Variants in DNAH11 observed in about 807,000 individuals in gnomAD.
DNAH11 encodes axonemal beta dynein heavy chain 11.
A neutral mutation model predicts 526.0 loss-of-function variants in DNAH11; 442 were observed. The observed-to-expected ratio is 0.84, with a 90% confidence interval of 0.78 to 0.91. The LOEUF (loss-of-function observed/expected upper bound fraction) is 0.91. Ranked by LOEUF, DNAH11 falls within the 40% of genes least tolerant of loss-of-function variation. The probability of loss-of-function intolerance (pLI) is 0.00; values close to 1 mark genes in which losing one functional copy is unlikely to be tolerated. For synonymous variants in DNAH11, 2,461 were observed against 1,935.9 expected (o/e 1.27, Z -7.12); for missense variants, 6,989 against 5,448.7 (o/e 1.28, Z -8.90).
intron 28 of DNAH11, among the ~76,000 whole-genome samples, chr7:21,644,167 C>T (rs1787247547): frequency 6.6e-6 from 1 of 152,134 alleles, no homozygotes; most frequent in African/African-American, 2.4e-5. Flanking sequence ...TATTGGCATT[C>T]AAAAAGGTGC....
intron 20 of DNAH11, 79 bp downstream of exon 20, chr7:21,606,812 A>G: frequency 4.9e-6 from 6 of 1,212,454 alleles, no homozygotes; most frequent in Non-Finnish European, 7.0e-6. Context: ...AAATACTGCC[A>G]CATTTTGTCT....
chr7:21,850,897 ATAT>A (rs1444568485), intron 66 of DNAH11, among the ~76,000 whole-genome samples: 7 of 152,078 alleles, frequency 4.6e-5, no homozygotes, highest in Admixed American at 1.3e-4. Flanking sequence ...TAATCCACTG[ATAT>A]TATACTGGAG....
chr7:21,815,878 C>G lies in DNAH11; in HGVS notation c.10333-589C>G, dbSNP rs143742924. Reference sequence around the variant, plus strand: ...CCCCTCCCTCCTCGATTGCCCCTCCCCAACCCCTTACTTTGCAACGCAATC... The same window carrying G: ...CCCCTCCCTCCTCGATTGCCCCTCCGCAACCCCTTACTTTGCAACGCAATC... On this transcript the variant is annotated intron_variant, in intron 63 of 81. Transcript: ENST00000409508. Among the ~76,000 whole-genome samples, 413 of 152,232 alleles carry G rather than the reference C, an allele frequency of 2.7e-3. 2 individuals are homozygous for G. Among genetic ancestry groups the G allele is most frequent in the African/African-American group, 9.5e-3 (394 of 41,544 alleles).
rs1348937945 is a variant in DNAH11 at position 21,762,921 on chromosome 7, A to G, written c.8941-2507A>G. 6.6e-5 allele frequency among the ~76,000 whole-genome samples: 10 copies of G among 152,202 alleles called. No homozygotes were observed. The East Asian group carries it at 1.9e-3, about 29-fold the overall frequency. On this transcript the variant is annotated intron_variant, in intron 54 of 81. Coordinates refer to ENST00000409508, the MANE Select transcript of DNAH11 (RefSeq NM_001277115.2). ...TACAGCAAAGGAAAGGATCAACAGA[A>G]TGAAAGACAACCTATGTGAAATGGG...
intron 61 of DNAH11, among the ~76,000 whole-genome samples, chr7:21,794,097 T>A (rs1788601592): frequency 6.6e-6 from 1 of 152,236 alleles, no homozygotes; most frequent in Non-Finnish European, 1.5e-5. Flanking sequence ...AGTTCCAGGA[T>A]TTTTAAAAAA....
Position 21,698,183 on chromosome 7 carries a change from C to T in DNAH11, c.6150C>T (p.Tyr2050=), listed in dbSNP as rs1783928763. ...RALARKFITL[Y]TLCKELLSKQ... ...TAGCCCGAAAGTTCATTACGTTGTA[C>T]ACGCTTTGCAAGGAGCTTCTCTCCA... Residue 2050 remains tyrosine (Y), a synonymous_variant, in exon 36 of 82, where the codon TAC becomes TAT. Transcript: ENST00000409508. 2.5e-6 allele frequency: 4 copies of T among 1,613,506 alleles called. No individual in the cohort carries two copies. Among genetic ancestry groups the T allele is most frequent in the East Asian group, 4.5e-5 (2 of 44,886 alleles).
intron 76 of DNAH11, among the ~76,000 whole-genome samples, chr7:21,884,833 C>A (rs1275538205): frequency 1.3e-5 from 2 of 152,040 alleles, no homozygotes; most frequent in African/African-American, 4.8e-5. Context: ...GATTTCTATT[C>A]CAGAGTTTAT....
intron 27 of DNAH11, among the ~76,000 whole-genome samples, chr7:21,638,694 GTGT>G (rs1562720149): frequency 2.7e-3 from 21 of 7,806 alleles, no homozygotes; most frequent in Non-Finnish European, 0.021. Context: ...CTAATGGGGT[GTGT>G]GTGTGTGTGT....
Position 21,744,616 on chromosome 7 carries a change from C to T in DNAH11, c.8316+17C>T. ...TATTTTGAAGTAAGCGTATGAATGT[C>T]AGAGGTCACTACTTACTCCAACACC... is the stretch of plus-strand genomic sequence containing the variant. On this transcript the variant is annotated intron_variant, in intron 50 of 81. Transcript: ENST00000409508. 3 of 1,611,074 alleles carry T rather than the reference C, an allele frequency of 1.9e-6. No individual in the cohort carries two copies. The highest frequency in any genetic ancestry group is 1.1e-5 in the South Asian group (1 of 90,162).
At chr7:21,695,394 A>G (rs76239738) in intron 35 of DNAH11, among the ~76,000 whole-genome samples, 23,489 of 152,200 alleles carry the variant, frequency 0.15, 3,333 homozygotes, top group African/African-American at 0.37. Flanking sequence ...ACCACAACAG[A>G]TGTATAGACC....
At chr7:21,787,679 T>C (rs1175648847) in intron 60 of DNAH11, 96 bp downstream of exon 60, 4 of 1,124,908 alleles carry the variant, frequency 3.6e-6, no homozygotes, top group Non-Finnish European at 4.9e-6. Context: ...ATTTGTTATT[T>C]CATTTTCTGA....
intron 65 of DNAH11, among the ~76,000 whole-genome samples, chr7:21,828,739 T>C (rs2128007250): frequency 9.4e-6 from 1 of 106,484 alleles, no homozygotes; most frequent in Non-Finnish European, 2.1e-5. Context: ...TACTTATGAC[T>C]TTTTTTTTTC....
chr7:21,697,261 T>C (rs1783896444), intron 35 of DNAH11, among the ~76,000 whole-genome samples: 1 of 152,084 alleles, frequency 6.6e-6, no homozygotes, highest in African/African-American at 2.4e-5. Flanking sequence ...CAATTGTCTT[T>C]GGAGAGGGAC....
chr7:21,713,060 T>C (rs1241616763), intron 42 of DNAH11, among the ~76,000 whole-genome samples: 3 of 152,218 alleles, frequency 2.0e-5, no homozygotes, highest in Admixed American at 1.3e-4. Flanking sequence ...AATGCTTTGA[T>C]TTAGAGCAAC....
intron 54 of DNAH11, among the ~76,000 whole-genome samples, chr7:21,757,252 A>G (rs1583663394): frequency 6.6e-6 from 1 of 152,228 alleles, no homozygotes; most frequent in Non-Finnish European, 1.5e-5. Flanking sequence ...TAAAACTTTT[A>G]AGTAACTATA....
At chr7:21,821,830 T>G (rs1790063194) in intron 65 of DNAH11, among the ~76,000 whole-genome samples, 1 of 152,142 alleles carries the variant, frequency 6.6e-6, no homozygotes, top group African/African-American at 2.4e-5. Context: ...TTGTACCCAC[T>G]CACCAGCTTT....
chr7:21,710,680 A>C lies in DNAH11; in HGVS notation c.6811A>C (p.Asn2271His). ...DIDPMWIESL[N>H]TVMDDNKVLT... The stretch of plus-strand genomic sequence containing the variant: ...TGACCCCATGTGGATTGAATCACTG[A>C]ATACTGTAATGGATGATAACAAGGT... Residue 2271 changes from asparagine to histidine, a missense_variant, in exon 41 of 82, where the codon AAT (asparagine) becomes CAT (histidine). Physicochemically the swap from Asn to His is moderately conservative, Grantham distance 68. Coordinates refer to ENST00000409508, the MANE Select transcript of DNAH11 (RefSeq NM_001277115.2). The C allele has an allele frequency of 6.2e-7, 1 of 1,612,758 alleles. No individual in the cohort carries two copies. The highest frequency in any genetic ancestry group is 1.1e-5 in the South Asian group (1 of 90,844).
chr7:21,551,219 G>A (rs1783009337), intron 2 of DNAH11, among the ~76,000 whole-genome samples: 1 of 152,102 alleles, frequency 6.6e-6, no homozygotes, highest in African/African-American at 2.4e-5. Flanking sequence ...GTAAACTAGG[G>A]CCTTAATACT....
chr7:21,630,559 C>T (rs746159266), intron 25 of DNAH11, among the ~76,000 whole-genome samples: 5 of 152,170 alleles, frequency 3.3e-5, no homozygotes, highest in Non-Finnish European at 7.3e-5. Context: ...ATCTGTCTCT[C>T]ATATTTGAAG....
Sources: gnomAD v4.1 joint callset for allele counts (sites outside exome capture counted in the v4.1 genomes callset) on GRCh38, gnomAD v4.1.1 for gene constraint, MANE v1.5 for transcripts, NCBI Gene and HGNC (gene_info 2026-07-23, HGNC 2026-07-21) for gene names.